NIPA1: variants seen among roughly 807,000 people sequenced by gnomAD.
The protein encoded by NIPA1 is magnesium transporter NIPA1.
NIPA1 carries 13 observed loss-of-function variants against 23.9 expected under a neutral mutation model. That is an observed-to-expected ratio of 0.54 (90% CI 0.35 to 0.87). The LOEUF is 0.87. Ranked by LOEUF, NIPA1 falls within the 40% of genes least tolerant of loss-of-function variation. NIPA1 has a pLI of 0.01. For synonymous variants in NIPA1, 234 were observed against 202.9 expected, an observed-to-expected ratio of 1.15 and a Z score of -1.30; for missense variants, 362 against 429.7, an observed-to-expected ratio of 0.84 and a Z score of 1.39.
intron 1 of NIPA1, among the ~76,000 whole-genome samples, chr15:22,792,911 G>A (rs1321281484): frequency 1.3e-5 from 2 of 151,804 alleles, no homozygotes; most frequent in African/African-American, 2.4e-5. Flanking sequence ...GCTAGATTGC[G>A]CCATTGCGCT....
chr15:22,786,774 C>A lies in NIPA1; in HGVS notation c.118C>A (p.Leu40Met). 1 of 1,316,236 alleles carries A rather than the reference C, an allele frequency of 7.6e-7. No homozygotes were observed. The highest frequency in any genetic ancestry group is 1.5e-5 in the African/African-American group (1 of 64,660). The allele number at this position is 1,316,236 out of a possible 1,614,324, so 81.5% of individuals were successfully genotyped here. ...LGLGVAVVSS[L>M]VNGSTFVLQK... ...CCTGGGCGTGGCCGTCGTGTCGAGC[C>A]TGGTGAACGGGTCCACGTTCGTGCT... Residue 40 changes from leucine (L) to methionine (M), a missense_variant, in exon 1 of 5, where the codon CTG (leucine) becomes ATG (methionine). Leu to Met is a conservative substitution (Grantham distance 15). Around this residue, in one of 2 missense-constraint regions of NIPA1, gnomAD observed 85 missense variants for 57.7 expected, o/e 1.47. Coordinates refer to ENST00000337435, the MANE Select transcript of NIPA1 (RefSeq NM_144599.5).
intron 4 of NIPA1, among the ~76,000 whole-genome samples, chr15:22,820,748 T>C (rs2140875217): frequency 6.6e-6 from 1 of 152,240 alleles, no homozygotes; most frequent in Middle Eastern, 3.4e-3. Flanking sequence ...GCCTTGTGCA[T>C]GGGCGCCTTC....
intron 4 of NIPA1, among the ~76,000 whole-genome samples, chr15:22,820,789 C>T (rs1006973823): frequency 1.3e-5 from 2 of 152,064 alleles, no homozygotes; most frequent in African/African-American, 4.8e-5. Context: ...TTGGGCCACC[C>T]TCCCAAGTCT....
chr15:22,813,835 G>A lies in NIPA1; in HGVS notation c.317+1582G>A, dbSNP rs574876706. ...GTGGCTTGGTGTCCCTTTGTGTTTC[G>A]GATGGCTCTGAGGCGCTGGGAGGGC... On this transcript the variant is annotated intron_variant, in intron 3 of 4. Transcript: ENST00000337435. The A allele has an allele frequency of 7.7e-5, 30 of 389,270 alleles. No individual in the cohort carries two copies. In the East Asian group the frequency reaches 1.4e-3, roughly 18 times the overall value. 24.1% of individuals were successfully genotyped at this position (389,270 alleles called of 1,614,324 possible). A position where few individuals can be genotyped will look rare whatever the true frequency, so the allele number is the denominator to read the frequency against.
intron 1 of NIPA1, among the ~76,000 whole-genome samples, chr15:22,798,521 G>C (rs1894991905): frequency 6.7e-6 from 1 of 148,388 alleles, no homozygotes; most frequent in South Asian, 2.2e-4. Context: ...TTACAGGCAT[G>C]AGCCACTGTG....
At chr15:22,807,782 T>TTGTGTGTGTGTGTGTGTGTG (rs71117484) in intron 1 of NIPA1, among the ~76,000 whole-genome samples, 7,427 of 145,832 alleles carry the variant, frequency 0.051, 506 homozygotes, top group African/African-American at 0.15. Context: ...TTAAATTCAC[T>TTGTGTGTGTGTGTGTGTGTG]TGTGTGTGTG....
In NIPA1 at chr15:22,786,671, TGCGGCAGCG is replaced by T. The variant is rs1555371599; in HGVS notation, c.21_29del (p.Ala14_Ala16del). The T allele has an allele frequency of 1.3e-5, 14 of 1,065,908 alleles. No homozygotes were observed. Among genetic ancestry groups the T allele is most frequent in the East Asian group, 7.6e-5 (1 of 13,140 alleles). 66.0% of individuals were successfully genotyped at this position (1,065,908 alleles called of 1,614,324 possible). A position where few individuals can be genotyped will look rare whatever the true frequency, so the allele number is the denominator to read the frequency against. ...GCGCGGGCGGAATGGGGACTGCAGC[TGCGGCAGCG>T]GCGGCGGCGGCGGCGGCGGCGGCCG... On this transcript the variant is annotated inframe_deletion, in exon 1 of 5. Transcript: ENST00000337435.
intron 1 of NIPA1, among the ~76,000 whole-genome samples, chr15:22,801,457 A>G (rs965619314): frequency 6.7e-6 from 1 of 149,986 alleles, no homozygotes; most frequent in Non-Finnish European, 1.5e-5. Flanking sequence ...CCTTTAGTTA[A>G]GGCAGAGAGG....
At chr15:22,809,752 A>T (rs1165701074) in intron 1 of NIPA1, among the ~76,000 whole-genome samples, 7,359 of 151,314 alleles carry the variant, frequency 0.049, 588 homozygotes, top group African/African-American at 0.17. Flanking sequence ...CTGAAAAAAA[A>T]AAAAAGGCCA....
At chr15:22,796,002 G>A (rs1358684085) in intron 1 of NIPA1, among the ~76,000 whole-genome samples, 1 of 151,994 alleles carries the variant, frequency 6.6e-6, no homozygotes, top group Non-Finnish European at 1.5e-5. Flanking sequence ...CGTGATCTTG[G>A]CTCACTGCAG....
intron 3 of NIPA1, chr15:22,819,537 G>A (rs1895493593): frequency 6.6e-6 from 1 of 152,110 alleles, no homozygotes. Flanking sequence ...CATTAATAAT[G>A]TGACCAGTTT....
At chr15:22,789,685 G>A (rs771095784) in intron 1 of NIPA1, among the ~76,000 whole-genome samples, 7 of 152,192 alleles carry the variant, frequency 4.6e-5, no homozygotes, top group Non-Finnish European at 8.8e-5. Flanking sequence ...TATGTTACCA[G>A]TGGGGAATCC....
chr15:22,822,594 C>T (rs548108366), intron 4 of NIPA1, among the ~76,000 whole-genome samples: 1 of 152,234 alleles, frequency 6.6e-6, no homozygotes, highest in Admixed American at 6.5e-5. Flanking sequence ...TTTGGGAGGC[C>T]GAGGACGGCG....
chr15:22,818,278 T>C (rs762624090), intron 3 of NIPA1, among the ~76,000 whole-genome samples: 1 of 145,838 alleles, frequency 6.9e-6, no homozygotes. Flanking sequence ...CTCTACTAAA[T>C]ACAAAAAATT....
intron 3 of NIPA1, 34 bp downstream of exon 3, chr15:22,812,287 G>A: frequency 7.1e-7 from 1 of 1,416,762 alleles, no homozygotes; most frequent in Non-Finnish European, 1.0e-6. Flanking sequence ...TATTTAATGT[G>A]TAGTGTAGAT....
At chr15:22,803,755 C>T (rs1895140031) in intron 1 of NIPA1, among the ~76,000 whole-genome samples, 1 of 146,550 alleles carries the variant, frequency 6.8e-6, no homozygotes, top group Non-Finnish European at 1.5e-5. Flanking sequence ...TCTCAGCTCA[C>T]TGCAGACTCT....
At chr15:22,816,508 T>TTTC (rs1555373603) in intron 3 of NIPA1, among the ~76,000 whole-genome samples, 2 of 134,466 alleles carry the variant, frequency 1.5e-5, no homozygotes, top group Non-Finnish European at 3.2e-5. Context: ...TTTTTTTTTT[T>TTTC]TCAGATGGAG....
rs552748041 is a variant in NIPA1, at chr15:22,820,710, C to G, written c.478+237C>G. ...AGGCCCTGCGGGGAGCCTCCGTGGC[C>G]TGGTATTCCTTCGGGTTCTCTTCTG... On this transcript the variant is annotated intron_variant, in intron 4 of 4. Coordinates refer to ENST00000337435, the MANE Select transcript of NIPA1 (RefSeq NM_144599.5). Among the ~76,000 whole-genome samples the G allele has an allele frequency of 3.2e-3, 488 of 151,122 alleles. 2 individuals are homozygous for G. The highest frequency in any genetic ancestry group is 0.011 in the African/African-American group (462 of 41,466).
chr15:22,804,126 A>G (rs1281054775), intron 1 of NIPA1, among the ~76,000 whole-genome samples: 3 of 151,506 alleles, frequency 2.0e-5, no homozygotes, highest in South Asian at 2.1e-4. Flanking sequence ...ACAGGCATGA[A>G]CCACCACATC....
Sources: allele counts gnomAD v4.1 joint callset (sites outside exome capture counted in the v4.1 genomes callset), GRCh38; gene constraint gnomAD v4.1.1; regional missense constraint gnomAD v4.1.1; transcripts MANE v1.5; gene names NCBI Gene and HGNC (gene_info 2026-07-23, HGNC 2026-07-21).